Variants in ADGRB3 observed in about 807,000 individuals in gnomAD.
The protein encoded by ADGRB3 is adhesion G protein-coupled receptor B3.
In ADGRB3, 37 loss-of-function variants were observed where a neutral mutation model predicts 193.4. That is an observed-to-expected ratio of 0.19 (90% CI 0.15 to 0.25). The LOEUF (loss-of-function observed/expected upper bound fraction) is 0.25, where lower values mean the gene tolerates loss of function less well. ADGRB3 is among the 10% of genes least tolerant of loss of function. ADGRB3 has a pLI of 1.00. For missense variants in ADGRB3, 1,637 were observed against 1,852.9 expected, an observed-to-expected ratio of 0.88 and a Z score of 2.14; for synonymous variants, 690 against 644.2, an observed-to-expected ratio of 1.07 and a Z score of -1.08.
chr6:69,022,552 C>T (rs9446087), intron 13 of ADGRB3, among the ~76,000 whole-genome samples: 36,570 of 151,672 alleles, frequency 0.24, 4,662 homozygotes, highest in African/African-American at 0.26. Context: ...GAAAAGCCTT[C>T]CAGAAACTCT....
intron 24 of ADGRB3, 93 bp from the exon 25 acceptor site, chr6:69,338,823 A>G: frequency 9.9e-7 from 1 of 1,008,054 alleles, no homozygotes; most frequent in South Asian, 1.4e-5. Context: ...TTTCTGCATG[A>G]AATCGTATTT....
intron 17 of ADGRB3, among the ~76,000 whole-genome samples, chr6:69,144,895 CT>C (rs1407315523): frequency 6.6e-6 from 1 of 150,392 alleles, no homozygotes; most frequent in African/African-American, 2.5e-5. Context: ...TTCTTTCTTT[CT>C]TTCTTTCTTT....
intron 17 of ADGRB3, among the ~76,000 whole-genome samples, chr6:69,221,167 A>G (rs1401153963): frequency 6.6e-6 from 1 of 152,132 alleles, no homozygotes; most frequent in Non-Finnish European, 1.5e-5. Flanking sequence ...TTAAATTATG[A>G]TAGTCATTAT....
At chr6:68,979,481 C>G (rs1203975477) in intron 10 of ADGRB3, among the ~76,000 whole-genome samples, 1 of 151,394 alleles carries the variant, frequency 6.6e-6, no homozygotes, top group Non-Finnish European at 1.5e-5. Context: ...TAGACACTAT[C>G]ATATCAATGT....
At chr6:68,680,112 A>C (rs989415401) in intron 3 of ADGRB3, among the ~76,000 whole-genome samples, 1 of 152,120 alleles carries the variant, frequency 6.6e-6, no homozygotes, top group African/African-American at 2.4e-5. Context: ...CAAAGAAAGG[A>C]TCTACCTCGA....
At chr6:69,265,076 GT>G (rs1376071880) in intron 20 of ADGRB3, among the ~76,000 whole-genome samples, 1 of 151,900 alleles carries the variant, frequency 6.6e-6, no homozygotes, top group African/African-American at 2.4e-5. Context: ...AACAAATAAA[GT>G]GGAACATTGC....
chr6:68,683,043 C>A (rs544360518), intron 3 of ADGRB3, among the ~76,000 whole-genome samples: 2 of 151,948 alleles, frequency 1.3e-5, no homozygotes, highest in Admixed American at 6.6e-5. Flanking sequence ...CCTTGGCCTC[C>A]CAAAGTGCTG....
chr6:68,729,985 GA>G (rs1385556366), intron 3 of ADGRB3, among the ~76,000 whole-genome samples: 1 of 151,260 alleles, frequency 6.6e-6, no homozygotes, highest in African/African-American at 2.4e-5. Context: ...AAGGATGCTT[GA>G]AAAAAATAGT....
chr6:69,136,354 A>G (rs1774149039), intron 17 of ADGRB3, among the ~76,000 whole-genome samples: 1 of 152,162 alleles, frequency 6.6e-6, no homozygotes, highest in African/African-American at 2.4e-5. Context: ...CCTCAAAAAA[A>G]TGAAAGAATG....
intron 17 of ADGRB3, among the ~76,000 whole-genome samples, chr6:69,081,804 C>T (rs952033207): frequency 9.2e-5 from 14 of 152,100 alleles, no homozygotes; most frequent in Admixed American, 6.5e-4. Context: ...TCTTTTTTAA[C>T]TGATAACGTT....
chr6:68,873,470 T>C (rs990917904), intron 3 of ADGRB3, among the ~76,000 whole-genome samples: 1 of 152,094 alleles, frequency 6.6e-6, no homozygotes, highest in African/African-American at 2.4e-5. Flanking sequence ...AAATTTAATA[T>C]AACAGATGTG....
intron 10 of ADGRB3, among the ~76,000 whole-genome samples, chr6:68,986,224 A>G (rs886649944): frequency 6.6e-6 from 1 of 152,148 alleles, no homozygotes; most frequent in Non-Finnish European, 1.5e-5. Flanking sequence ...ATTCCCAACA[A>G]TAATTTTCAG....
At chr6:68,685,812 A>C (rs1217213959) in intron 3 of ADGRB3, among the ~76,000 whole-genome samples, 1 of 151,992 alleles carries the variant, frequency 6.6e-6, no homozygotes, top group African/African-American at 2.4e-5. Flanking sequence ...GAATTGCTTA[A>C]ATCTGGAGGG....
At chr6:69,333,176 A>T (rs544092562) in intron 24 of ADGRB3, among the ~76,000 whole-genome samples, 168 bp downstream of exon 24, 1 of 152,230 alleles carries the variant, frequency 6.6e-6, no homozygotes, top group Non-Finnish European at 1.5e-5. Flanking sequence ...ATTTTTAAGC[A>T]ATACGACCAA....
chr6:68,676,341 A>G (rs574780544), intron 3 of ADGRB3, among the ~76,000 whole-genome samples: 38 of 148,172 alleles, frequency 2.6e-4, no homozygotes, highest in Non-Finnish European at 4.9e-4. Context: ...CAGTGAGCCC[A>G]GCTCGCACCA....
intron 24 of ADGRB3, among the ~76,000 whole-genome samples, chr6:69,333,294 T>C (rs1294222263): frequency 2.6e-5 from 4 of 152,164 alleles, no homozygotes; most frequent in Non-Finnish European, 5.9e-5. Flanking sequence ...CTTGCAATAG[T>C]TGTCGTTAGG....
chr6:69,104,386 A>G (rs186116855), intron 17 of ADGRB3, among the ~76,000 whole-genome samples: 6 of 151,744 alleles, frequency 4.0e-5, no homozygotes, highest in African/African-American at 1.4e-4. Context: ...CTATGGCTGC[A>G]TAGTATTCCA....
At chr6:69,280,168 A>G (rs1014562425) in intron 20 of ADGRB3, among the ~76,000 whole-genome samples, 2 of 152,172 alleles carry the variant, frequency 1.3e-5, no homozygotes, top group African/African-American at 4.8e-5. Context: ...TGTATGCAGG[A>G]GAATATTCCT....
chr6:69,330,420 G>A, intron 22 of ADGRB3, 86 bp from the exon 23 acceptor site: 2 of 991,410 alleles, frequency 2.0e-6, no homozygotes, highest in East Asian at 2.7e-5. Context: ...AAGGCAAAAT[G>A]TATAATCTAA....
Sources: gnomAD v4.1 joint callset for allele counts (sites outside exome capture counted in the v4.1 genomes callset) on GRCh38, gnomAD v4.1.1 for gene constraint, MANE v1.5 for transcripts, NCBI Gene and HGNC (gene_info 2026-07-23, HGNC 2026-07-21) for gene names.